The following HDAC9 variants were observed in gnomAD, a reference collection of about 807,000 sequenced individuals.
HDAC9 encodes the protein MEF-2 interacting transcription repressor (MITR) protein.
A neutral mutation model predicts 139.4 loss-of-function variants in HDAC9; 41 were observed. That is an observed-to-expected ratio of 0.29 (90% confidence interval 0.23 to 0.38). The LOEUF (loss-of-function observed/expected upper bound fraction) is 0.38. HDAC9 is among the 10% of genes least tolerant of loss of function. HDAC9 has a pLI of 1.00. For synonymous variants in HDAC9, 517 were observed against 476.2 expected (o/e 1.09, Z -1.12); for missense variants, 1,147 against 1,297.0 (o/e 0.88, Z 1.78).
chr7:18,519,195 G>A (rs562662665), intron 2 of HDAC9, among the ~76,000 whole-genome samples: 5 of 152,272 alleles, frequency 3.3e-5, no homozygotes, highest in East Asian at 3.9e-4. Flanking sequence ...CTTATGTGAT[G>A]TCATCACAAC....
intron 8 of HDAC9, among the ~76,000 whole-genome samples, chr7:18,642,697 C>A (rs1786064595): frequency 6.6e-6 from 1 of 152,008 alleles, no homozygotes; most frequent in African/African-American, 2.4e-5. Flanking sequence ...TAAGACTGTC[C>A]CCAAATCTCT....
At chr7:18,162,441 G>C (rs1787694795) in intron 2 of HDAC9, 2 of 1,255,532 alleles carry the variant, frequency 1.6e-6, no homozygotes, top group Non-Finnish European at 2.2e-6. Flanking sequence ...ATTTATGAAG[G>C]AACTTTTTTT....
In HDAC9 at chr7:18,955,405, A is replaced by C. The variant is rs370470885; in HGVS notation, c.3022+1175A>C. 3.9e-5 allele frequency among the ~76,000 whole-genome samples: 6 copies of C among 152,130 alleles called. No homozygotes were observed. In the East Asian group the frequency reaches 9.6e-4, roughly 24 times the overall value. ...TGACAGCATTCTTCTCTTCATCCAC[A>C]TGCAATCCAATGTATGCTTTCAGGT... is the stretch of plus-strand genomic sequence containing the variant. On this transcript the variant is annotated intron_variant, in intron 24 of 25. Coordinates refer to ENST00000686413, the MANE Select transcript of HDAC9 (RefSeq NM_178425.4).
intron 22 of HDAC9, among the ~76,000 whole-genome samples, chr7:18,882,897 T>A (rs1331927421): frequency 2.6e-5 from 4 of 152,104 alleles, no homozygotes; most frequent in Non-Finnish European, 5.9e-5. Context: ...TGGGCAGACA[T>A]CTTTGGAAGC....
chr7:18,524,863 TACACACACACAC>T (rs57123600), intron 2 of HDAC9, among the ~76,000 whole-genome samples: 10 of 127,742 alleles, frequency 7.8e-5, no homozygotes, highest in South Asian at 2.6e-4. Flanking sequence ...CTTAGTGACA[TACACACACACAC>T]ACACACACAC....
chr7:18,962,335 T>G (rs1468468915), intron 24 of HDAC9, among the ~76,000 whole-genome samples: 1 of 152,174 alleles, frequency 6.6e-6, no homozygotes, highest in East Asian at 1.9e-4. Flanking sequence ...CTCGCTTGTA[T>G]CACAGCCAGG....
Position 18,885,783 on chromosome 7 carries a change from T to C in HDAC9, c.2803+11187T>C, listed in dbSNP as rs117969356. 8.8e-3 allele frequency among the ~76,000 whole-genome samples: 1,339 copies of C among 152,366 alleles called. 6 individuals carry two copies. The highest frequency in any genetic ancestry group is 0.015 in the Non-Finnish European group (987 of 68,036). ...TGACTTTTTTGTGTAAATAAAATTT[T>C]CCAGGTCAGAAAAGTAAGCTTTATA... On this transcript the variant is annotated intron_variant, in intron 22 of 25. Coordinates refer to ENST00000686413, the MANE Select transcript of HDAC9 (RefSeq NM_178425.4).
At chr7:18,634,346 T>G (rs1371980601) in intron 7 of HDAC9, among the ~76,000 whole-genome samples, 1 of 151,854 alleles carries the variant, frequency 6.6e-6, no homozygotes, top group Non-Finnish European at 1.5e-5. Flanking sequence ...TTTTTTTTTT[T>G]TCTCATTCAA....
At chr7:18,865,329 T>A (rs2129238004) in intron 21 of HDAC9, among the ~76,000 whole-genome samples, 2 of 152,148 alleles carry the variant, frequency 1.3e-5, no homozygotes, top group Middle Eastern at 6.8e-3. Context: ...GGCTTTGGGT[T>A]TGAGAAAGAG....
chr7:18,237,067 A>G lies in HDAC9; in HGVS notation c.25+74718A>G, dbSNP rs1418063988. 2.6e-5 allele frequency among the ~76,000 whole-genome samples: 4 copies of G among 152,212 alleles called. No homozygotes were observed. The East Asian group carries it at 7.7e-4, about 29-fold the overall frequency. ...GTATCCCACTTGACTTAAGACCTCC[A>G]CTGGGTGTTTTCTTTGCTTTTTCCA... On this transcript the variant is annotated intron_variant, in intron 2 of 12. Transcript: ENST00000417496.
At chr7:18,601,183 T>A (rs1010220860) in intron 6 of HDAC9, among the ~76,000 whole-genome samples, 1 of 152,234 alleles carries the variant, frequency 6.6e-6, no homozygotes, top group Non-Finnish European at 1.5e-5. Flanking sequence ...ATTTACATCC[T>A]CTACATAATT....
rs543940107 is a variant in HDAC9, at chr7:18,794,976, G to A, written c.2322+1524G>A. ...AAACCTTCTCAAGTAGAATGCCCAC[G>A]TGTTTCAGTCATCAGAAGCATCATT... is the stretch of plus-strand genomic sequence containing the variant. On this transcript the variant is annotated intron_variant, in intron 17 of 25. Coordinates refer to ENST00000686413, the MANE Select transcript of HDAC9 (RefSeq NM_178425.4). Among the ~76,000 whole-genome samples, 32 of 152,198 alleles carry A rather than the reference G, an allele frequency of 2.1e-4. 1 individual carries two copies. In the South Asian group the frequency reaches 4.8e-3, roughly 23 times the overall value.
At chr7:18,736,660 A>G (rs1042744754) in intron 13 of HDAC9, among the ~76,000 whole-genome samples, 1 of 152,144 alleles carries the variant, frequency 6.6e-6, no homozygotes, top group African/African-American at 2.4e-5. Flanking sequence ...GGATATTCAC[A>G]TTGATGTTCA....
intron 21 of HDAC9, among the ~76,000 whole-genome samples, chr7:18,854,563 T>A (rs1797533337): frequency 6.6e-6 from 1 of 150,636 alleles, no homozygotes; most frequent in Non-Finnish European, 1.5e-5. Flanking sequence ...AGAAGAAGAG[T>A]CAATAGGAGG....
intron 24 of HDAC9, among the ~76,000 whole-genome samples, chr7:18,972,468 C>T (rs1784305472): frequency 6.8e-6 from 1 of 146,704 alleles, no homozygotes; most frequent in South Asian, 2.1e-4. Flanking sequence ...GCAAGTTGGG[C>T]CTCCCGGGTT....
At chr7:18,123,436 A>G (rs981198713) in intron 1 of HDAC9, among the ~76,000 whole-genome samples, 1 of 152,232 alleles carries the variant, frequency 6.6e-6, no homozygotes, top group Non-Finnish European at 1.5e-5. Flanking sequence ...AAACAATGTT[A>G]GGTTTCCAGG....
chr7:18,759,561 T>C (rs1043337808), intron 14 of HDAC9, among the ~76,000 whole-genome samples: 3 of 152,090 alleles, frequency 2.0e-5, no homozygotes, highest in Non-Finnish European at 4.4e-5. Flanking sequence ...TGGTGAGTTG[T>C]ATAATTATTT....
intron 22 of HDAC9, among the ~76,000 whole-genome samples, chr7:18,894,852 T>G (rs576097762): frequency 6.6e-6 from 1 of 152,198 alleles, no homozygotes; most frequent in African/African-American, 2.4e-5. Flanking sequence ...GTAGAAGGCT[T>G]GGGCTTAGAT....
At chr7:18,574,688 A>G (rs1456673439) in intron 2 of HDAC9, among the ~76,000 whole-genome samples, 1 of 152,208 alleles carries the variant, frequency 6.6e-6, no homozygotes, top group Non-Finnish European at 1.5e-5. Flanking sequence ...TTTGGTGCCC[A>G]AGTCCAAAGG....
Sources: gnomAD v4.1 joint callset for allele counts (sites outside exome capture counted in the v4.1 genomes callset) on GRCh38, gnomAD v4.1.1 for gene constraint, MANE v1.5 for transcripts, NCBI Gene and HGNC (gene_info 2026-07-23, HGNC 2026-07-21) for gene names.